The following RPRD2 variants were observed in gnomAD, a reference collection of about 807,000 sequenced individuals.
The protein encoded by RPRD2 is regulation of nuclear pre-mRNA domain-containing protein 2.
Under a neutral mutation model 104.4 loss-of-function variants are expected in RPRD2, and 12 were observed. The ratio of observed to expected loss-of-function variants is 0.11; its 90% CI spans 0.07 to 0.19. RPRD2 has a LOEUF of 0.19. Ranked by LOEUF, RPRD2 falls within the 10% of genes least tolerant of loss-of-function variation. The probability of loss-of-function intolerance (pLI) is 1.00; values close to 1 mark genes in which losing one functional copy is unlikely to be tolerated. For synonymous variants in RPRD2, 714 were observed against 684.9 expected (o/e 1.04, Z -0.66); for missense variants, 1,543 against 1,790.1 (o/e 0.86, Z 2.49).
intron 1 of RPRD2, among the ~76,000 whole-genome samples, chr1:150,393,037 A>AT (rs1324465131): frequency 2.3e-4 from 35 of 152,198 alleles, no homozygotes; most frequent in Non-Finnish European, 3.4e-4. Flanking sequence ...ATCAGTTCAG[A>AT]TTTTTTTTAA....
chr1:150,398,907 T>C (rs1662754679), intron 1 of RPRD2, among the ~76,000 whole-genome samples: 1 of 152,204 alleles, frequency 6.6e-6, no homozygotes. Flanking sequence ...ATTTTAAAAA[T>C]GTTAACAGAT....
Position 150,441,034 on chromosome 1 carries a change from T to C in RPRD2, c.436+11T>C. On this transcript the variant is annotated intron_variant, in intron 3 of 10. Coordinates refer to ENST00000369068, the MANE Select transcript of RPRD2 (RefSeq NM_015203.5). ...TGAGAGAAGCTTTGAGTAAGTGTCT[T>C]TTTCTCTCCTAAAAGAAAATTTTTG... The C allele has an allele frequency of 7.0e-7, 1 of 1,424,656 alleles. No homozygotes were observed. The highest frequency in any genetic ancestry group is 9.6e-7 in the Non-Finnish European group (1 of 1,041,256). The allele number at this position is 1,424,656 out of a possible 1,614,324, so 88.3% of individuals were successfully genotyped here. A position where few individuals can be genotyped will look rare whatever the true frequency, so the allele number is the denominator to read the frequency against.
At chr1:150,391,679 G>A (rs952224172) in intron 1 of RPRD2, among the ~76,000 whole-genome samples, 17 of 152,128 alleles carry the variant, frequency 1.1e-4, no homozygotes, top group Non-Finnish European at 2.2e-4. Flanking sequence ...AGGCTGAGGC[G>A]GGCGGATCAC....
At position 150,441,032 on chromosome 1, in the gene RPRD2, CTT is replaced by C; in HGVS notation, c.436+13_436+14del. The stretch of plus-strand genomic sequence containing the variant: ...ATTGAGAGAAGCTTTGAGTAAGTGT[CTT>C]TTTCTCTCCTAAAAGAAAATTTTTG... On this transcript the variant is annotated intron_variant, in intron 3 of 10. Coordinates refer to ENST00000369068, the MANE Select transcript of RPRD2 (RefSeq NM_015203.5). 2 of 1,437,262 alleles carry C rather than the reference CTT, an allele frequency of 1.4e-6. No individual in the cohort carries two copies. The highest frequency in any genetic ancestry group is 1.3e-5 in the South Asian group (1 of 77,468). The allele number at this position is 1,437,262 out of a possible 1,614,324, so 89.0% of individuals were successfully genotyped here. A position where few individuals can be genotyped will look rare whatever the true frequency, so the allele number is the denominator to read the frequency against.
chr1:150,377,157 G>C (rs1572349733), intron 1 of RPRD2, among the ~76,000 whole-genome samples: 2 of 151,688 alleles, frequency 1.3e-5, no homozygotes, highest in East Asian at 3.9e-4. Context: ...GTTGCAGTGA[G>C]CTGAGATTAC....
intron 2 of RPRD2, among the ~76,000 whole-genome samples, chr1:150,436,017 A>G (rs2102338500): frequency 6.6e-6 from 1 of 152,006 alleles, no homozygotes; most frequent in South Asian, 2.1e-4. Flanking sequence ...TGCTAAATCT[A>G]TTCTGTCTGT....
intron 2 of RPRD2, among the ~76,000 whole-genome samples, chr1:150,435,191 A>G (rs1665914233): frequency 6.6e-6 from 1 of 152,126 alleles, no homozygotes; most frequent in East Asian, 1.9e-4. Context: ...TAATTGATAA[A>G]TGTCGTGTGT....
chr1:150,377,453 C>G (rs1457114529), intron 1 of RPRD2, among the ~76,000 whole-genome samples: 1 of 151,862 alleles, frequency 6.6e-6, no homozygotes, highest in Non-Finnish European at 1.5e-5. Context: ...AAAAAATTAG[C>G]CAGGCGTGGT....
intron 8 of RPRD2, 133 bp from the exon 9 acceptor site, chr1:150,459,920 AAAGCATG>A: frequency 1.4e-6 from 1 of 730,708 alleles, no homozygotes. Context: ...CTTTTTCAAA[AAAGCATG>A]AAGTGAGTCG....
rs587767142 is a variant in RPRD2, at chr1:150,472,607, C to A, written c.3659C>A (p.Pro1220His). ...CCATCATCTGCCCCACCTGTCCCTCCTAAGGATCATGGTGGTATCTTCTCT... is the reference window on the plus strand; with the variant it reads ...CCATCATCTGCCCCACCTGTCCCTCATAAGGATCATGGTGGTATCTTCTCT... The part of the protein sequence containing the change: ...VGPSSAPPVP[P>H]KDHGGIFSRD... Residue 1220 changes from proline (P) to histidine (H), a missense_variant, in exon 11 of 11, where the codon CCT (proline) becomes CAT (histidine). Pro to His is a moderately conservative substitution (Grantham distance 77). Around this residue, in one of 4 missense-constraint regions of RPRD2, gnomAD observed 880 missense variants for 885.6 expected, o/e 0.99. Transcript: ENST00000369068. 19 of 1,613,934 alleles carry A rather than the reference C, an allele frequency of 1.2e-5. No homozygotes were observed. The African/African-American group carries it at 2.5e-4, about 22-fold the overall frequency.
At chr1:150,439,943 T>A (rs1553894027) in intron 2 of RPRD2, among the ~76,000 whole-genome samples, 1 of 152,078 alleles carries the variant, frequency 6.6e-6, no homozygotes, top group East Asian at 1.9e-4. Flanking sequence ...TATTGGTAAT[T>A]ATTTCTCATT....
chr1:150,407,586 T>C (rs1663576253), intron 1 of RPRD2, among the ~76,000 whole-genome samples: 1 of 152,160 alleles, frequency 6.6e-6, no homozygotes, highest in African/African-American at 2.4e-5. Context: ...CATCCTCACA[T>C]AGTGGTGGAG....
At chr1:150,450,531 A>G (rs1429083849) in intron 7 of RPRD2, among the ~76,000 whole-genome samples, 16 of 142,614 alleles carry the variant, frequency 1.1e-4, no homozygotes, top group African/African-American at 3.9e-4. Flanking sequence ...ACGTGAACCC[A>G]GGAGGCGGAG....
intron 2 of RPRD2, among the ~76,000 whole-genome samples, chr1:150,437,447 G>A (rs1321787297): frequency 1.3e-5 from 2 of 152,214 alleles, no homozygotes; most frequent in African/African-American, 4.8e-5. Flanking sequence ...ATTTGCTGGA[G>A]ACTCAGATGA....
intron 7 of RPRD2, among the ~76,000 whole-genome samples, chr1:150,453,626 C>T (rs1220484332): frequency 1.3e-5 from 2 of 152,098 alleles, no homozygotes; most frequent in Non-Finnish European, 2.9e-5. Context: ...CATATAGTTC[C>T]AATATTGGCT....
chr1:150,460,547 C>T (rs587688490), intron 9 of RPRD2, among the ~76,000 whole-genome samples: 1 of 151,998 alleles, frequency 6.6e-6, no homozygotes, highest in South Asian at 2.1e-4. Flanking sequence ...GGATTACAGG[C>T]ACCTGCTACC....
At chr1:150,445,901 C>T (rs782482054) in intron 6 of RPRD2, among the ~76,000 whole-genome samples, 24 of 151,898 alleles carry the variant, frequency 1.6e-4, no homozygotes, top group African/African-American at 9.7e-5. Flanking sequence ...ACCCCATCTC[C>T]GCTAAAAATA....
At chr1:150,462,495 T>C (rs1241334901) in intron 9 of RPRD2, among the ~76,000 whole-genome samples, 2 of 151,938 alleles carry the variant, frequency 1.3e-5, no homozygotes, top group East Asian at 3.8e-4. Flanking sequence ...AAAAATTTTA[T>C]GAATAACCCT....
At chr1:150,406,067 G>A (rs1300601695) in intron 1 of RPRD2, among the ~76,000 whole-genome samples, 1 of 152,160 alleles carries the variant, frequency 6.6e-6, no homozygotes, top group Non-Finnish European at 1.5e-5. Context: ...TCTGTGATAA[G>A]AATGAATCTC....
Sources: gnomAD v4.1 joint callset for allele counts (sites outside exome capture counted in the v4.1 genomes callset) on GRCh38, gnomAD v4.1.1 for gene constraint, gnomAD v4.1.1 regional missense constraint, MANE v1.5 for transcripts, NCBI Gene and HGNC (gene_info 2026-07-23, HGNC 2026-07-21) for gene names.